The following NALF1 variants were observed in gnomAD, a reference collection of about 807,000 sequenced individuals.
The protein encoded by NALF1 is family with sequence similarity 155 member A.
In NALF1, 3 loss-of-function variants were observed where a neutral mutation model predicts 48.4. The ratio of observed to expected loss-of-function variants is 0.06; its 90% CI spans 0.03 to 0.16. The LOEUF (loss-of-function observed/expected upper bound fraction) is 0.16. NALF1 is among the 10% of genes least tolerant of loss of function. NALF1 has a pLI of 1.00. For missense variants in NALF1, 526 were observed against 571.5 expected, an observed-to-expected ratio of 0.92 and a Z score of 0.81; for synonymous variants, 262 against 245.7, an observed-to-expected ratio of 1.07 and a Z score of -0.62.
chr13:107,866,115 G>A lies in NALF1; in HGVS notation c.482C>T (p.Ser161Phe). The change falls in exon 1 of 3, where the codon TCT becomes TTT. Residue 161 changes from serine to phenylalanine, a missense_variant. Around this residue, in one of 2 missense-constraint regions of NALF1, gnomAD observed 373 missense variants for 355.5 expected, o/e 1.05. Coordinates refer to ENST00000375915, the MANE Select transcript of NALF1 (RefSeq NM_001080396.3). This position sits in a 1 kb window ranked among gnomAD's most constrained non-coding sequence, Gnocchi z 4.4. ...CTCCAGGCGCCACACGGGCTTGGCA[G>A]AGTTTCCTAGAAAAAGAGCCTTGCC... ...DRGKALFLGN[S>F]AKPVWRLETC... 1 of 1,612,692 alleles carries A rather than the reference G, an allele frequency of 6.2e-7. No homozygotes were observed.
intron 2 of NALF1, among the ~76,000 whole-genome samples, chr13:107,179,394 G>T (rs1199158334): frequency 3.9e-5 from 6 of 151,948 alleles, no homozygotes; most frequent in Admixed American, 2.0e-4. Flanking sequence ...TGGTAGTGGG[G>T]ATGGCTAATG....
At chr13:107,354,613 G>A (rs1882930876) in intron 1 of NALF1, among the ~76,000 whole-genome samples, 1 of 152,138 alleles carries the variant, frequency 6.6e-6, no homozygotes, top group African/African-American at 2.4e-5. Context: ...TTCGGGTGGG[G>A]ACAAGAGCCA....
intron 1 of NALF1, among the ~76,000 whole-genome samples, chr13:107,402,950 C>T (rs1170313898): frequency 6.6e-6 from 1 of 152,076 alleles, no homozygotes. Context: ...TCACCTCTTC[C>T]ACACAATCTA....
intron 1 of NALF1, among the ~76,000 whole-genome samples, chr13:107,823,571 T>C (rs145731621): frequency 1.3e-5 from 2 of 151,630 alleles, no homozygotes; most frequent in Non-Finnish European, 2.9e-5. Context: ...CTTTGGTCAG[T>C]AACCCCCGTG....
At chr13:107,593,187 A>C (rs1000978320) in intron 1 of NALF1, among the ~76,000 whole-genome samples, 3 of 151,876 alleles carry the variant, frequency 2.0e-5, no homozygotes, top group Non-Finnish European at 4.4e-5. Context: ...TAGGACCATA[A>C]ATTTAATCTA....
chr13:107,191,502 T>G (rs897778377), intron 2 of NALF1, among the ~76,000 whole-genome samples: 1 of 152,172 alleles, frequency 6.6e-6, no homozygotes, highest in East Asian at 1.9e-4. Flanking sequence ...ACTGAGAAAA[T>G]TTTTAAAAAA....
At chr13:107,630,772 A>G (rs2138448336) in intron 1 of NALF1, among the ~76,000 whole-genome samples, 1 of 152,142 alleles carries the variant, frequency 6.6e-6, no homozygotes, top group Middle Eastern at 3.4e-3. Context: ...TTATACTAGG[A>G]CATAATTCAA....
At chr13:107,384,584 A>G in intron 1 of NALF1, among the ~76,000 whole-genome samples, 1 of 152,296 alleles carries the variant, frequency 6.6e-6, no homozygotes, top group East Asian at 1.9e-4. Context: ...TCAAATTAGA[A>G]GTGAATAAAT....
rs1881605463 is a variant in NALF1 at position 107,290,779 on chromosome 13, C to A, written c.916-80024G>T. On this transcript the variant is annotated intron_variant, in intron 1 of 2. Transcript: ENST00000375915. ...TGCAATTTAAGTAAACAAATTGACA[C>A]TGAGGTGTGCCTTTATGTGCTACTT... Among the ~76,000 whole-genome samples the A allele has an allele frequency of 3.3e-5, 5 of 152,220 alleles. No individual in the cohort carries two copies. The South Asian group carries it at 8.3e-4, about 25-fold the overall frequency.
chr13:107,460,807 T>C (rs1459159482), intron 1 of NALF1, among the ~76,000 whole-genome samples: 1 of 152,236 alleles, frequency 6.6e-6, no homozygotes, highest in Non-Finnish European at 1.5e-5. Context: ...ATATATTTCT[T>C]CTAAGGATTC....
intron 1 of NALF1, among the ~76,000 whole-genome samples, chr13:107,739,810 C>G (rs533184645): frequency 6.6e-6 from 1 of 152,246 alleles, no homozygotes; most frequent in East Asian, 1.9e-4. Flanking sequence ...TGCATCCTGT[C>G]GCATCGGTGG....
intron 1 of NALF1, among the ~76,000 whole-genome samples, chr13:107,588,191 G>A (rs1380531164): frequency 6.6e-6 from 1 of 152,080 alleles, no homozygotes; most frequent in Non-Finnish European, 1.5e-5. Flanking sequence ...GGCCCCTGTT[G>A]CCATACACAC....
At chr13:107,390,630 G>T (rs958439061) in intron 1 of NALF1, among the ~76,000 whole-genome samples, 2 of 151,944 alleles carry the variant, frequency 1.3e-5, no homozygotes, top group Non-Finnish European at 2.9e-5. Context: ...TTTTACTTGA[G>T]GCAAAGTTTT....
intron 1 of NALF1, among the ~76,000 whole-genome samples, chr13:107,772,132 C>A (rs1404483998): frequency 2.0e-5 from 3 of 152,044 alleles, no homozygotes; most frequent in Non-Finnish European, 4.4e-5. Flanking sequence ...GCACATCTCC[C>A]CATATACACA....
chr13:107,611,140 G>A (rs183496909), intron 1 of NALF1, among the ~76,000 whole-genome samples: 282 of 152,174 alleles, frequency 1.9e-3, no homozygotes, highest in African/African-American at 6.4e-3. Context: ...TTCCCCTCCT[G>A]GTATTTAGCA....
At chr13:107,341,647 A>G (rs1392670401) in intron 1 of NALF1, among the ~76,000 whole-genome samples, 2 of 151,286 alleles carry the variant, frequency 1.3e-5, no homozygotes, top group Non-Finnish European at 2.9e-5. Flanking sequence ...ACACTTGGGT[A>G]CATATATATG....
At chr13:107,495,956 T>C (rs1292730437) in intron 1 of NALF1, among the ~76,000 whole-genome samples, 2 of 152,178 alleles carry the variant, frequency 1.3e-5, no homozygotes, top group Admixed American at 1.3e-4. Context: ...ACTGTCTACA[T>C]CTTTGTTCAA....
At chr13:107,239,106 G>C (rs1259051837) in intron 1 of NALF1, among the ~76,000 whole-genome samples, 1 of 152,164 alleles carries the variant, frequency 6.6e-6, no homozygotes, top group Non-Finnish European at 1.5e-5. Flanking sequence ...GTGATTGATT[G>C]AATGTGAAAG....
intron 1 of NALF1, among the ~76,000 whole-genome samples, chr13:107,357,122 A>G (rs996757583): frequency 1.3e-5 from 2 of 152,204 alleles, no homozygotes; most frequent in Non-Finnish European, 2.9e-5. Flanking sequence ...ACACTGCTAT[A>G]AACAAATACC....
Sources: allele counts gnomAD v4.1 joint callset (sites outside exome capture counted in the v4.1 genomes callset), GRCh38; gene constraint gnomAD v4.1.1; regional missense constraint gnomAD v4.1.1; non-coding constraint Gnocchi (gnomAD v3.1); transcripts MANE v1.5; gene names NCBI Gene and HGNC (gene_info 2026-07-23, HGNC 2026-07-21).